IL23R: variants seen among roughly 807,000 people sequenced by gnomAD.
The protein encoded by IL23R is interleukin-23 receptor.
IL23R carries 34 observed loss-of-function variants against 56.9 expected under a neutral mutation model. The observed-to-expected ratio is 0.60, with a 90% CI of 0.45 to 0.80. The LOEUF (loss-of-function observed/expected upper bound fraction) is 0.80, where lower values mean the gene tolerates loss of function less well. IL23R is among the 30% of genes least tolerant of loss of function. IL23R has a pLI of 0.00. For synonymous variants in IL23R, 230 were observed against 249.2 expected (o/e 0.92, Z 0.73); for missense variants, 635 against 730.0 (o/e 0.87, Z 1.50).
At chr1:67,216,271 T>C (rs1047087256) in intron 6 of IL23R, among the ~76,000 whole-genome samples, 4 of 152,250 alleles carry the variant, frequency 2.6e-5, no homozygotes, top group African/African-American at 9.6e-5. Flanking sequence ...TGATCATTTT[T>C]TGCATCTCCA....
chr1:67,204,526 T>G (rs569686214), intron 5 of IL23R, among the ~76,000 whole-genome samples: 2 of 152,334 alleles, frequency 1.3e-5, no homozygotes, highest in African/African-American at 4.8e-5. Context: ...CTGTGATTCT[T>G]ACTGTGCTAT....
rs1648456025 is a variant in IL23R at position 67,199,663 on chromosome 1, G to A, written c.492-1074G>A. Among the ~76,000 whole-genome samples, 2 of 151,768 alleles carry A rather than the reference G, an allele frequency of 1.3e-5. 1 individual carries two copies. The highest frequency in any genetic ancestry group is 4.2e-4 in the South Asian group (2 of 4,806). The stretch of plus-strand genomic sequence containing the variant: ...CATATGTATACATCTATGTATATGT[G>A]TGTATATTTTTGTGTATTTTATATA... On this transcript the variant is annotated intron_variant, in intron 4 of 10. Coordinates refer to ENST00000347310, the MANE Select transcript of IL23R (RefSeq NM_144701.3).
At chr1:67,240,416 T>C (rs752320703) in intron 9 of IL23R, 135 bp downstream of exon 9, 26 of 685,858 alleles carry the variant, frequency 3.8e-5, no homozygotes, top group Non-Finnish European at 5.5e-5. Flanking sequence ...AAAAGAACAA[T>C]GTTTAATAAG....
intron 1 of IL23R, among the ~76,000 whole-genome samples, chr1:67,155,842 C>T (rs528165918): frequency 1.3e-5 from 2 of 152,254 alleles, no homozygotes; most frequent in East Asian, 1.9e-4. Context: ...ACTGAAAAGG[C>T]GTTGTGATCA....
intron 5 of IL23R, among the ~76,000 whole-genome samples, chr1:67,205,807 A>G (rs978168367): frequency 2.0e-5 from 3 of 152,206 alleles, no homozygotes; most frequent in South Asian, 4.1e-4. Flanking sequence ...ATAAATATTC[A>G]TATGTTTCCC....
intron 9 of IL23R, among the ~76,000 whole-genome samples, chr1:67,251,276 C>G (rs1206285664): frequency 6.6e-6 from 1 of 151,970 alleles, no homozygotes; most frequent in Non-Finnish European, 1.5e-5. Context: ...CACGGTGAAA[C>G]CCCGTCTCTA....
intron 7 of IL23R, among the ~76,000 whole-genome samples, chr1:67,234,707 C>CTTTTTTTTT (rs5774860): frequency 8.5e-6 from 1 of 117,556 alleles, no homozygotes; most frequent in Non-Finnish European, 1.7e-5. Flanking sequence ...TATTTTTACT[C>CTTTTTTTTT]TTTTTTTTTT....
In IL23R at chr1:67,190,464, G is replaced by C. The variant is rs550744178; in HGVS notation, c.491+7505G>C. On this transcript the variant is annotated intron_variant, in intron 4 of 10. Transcript: ENST00000347310. ...AAAAACCAAAAAAAAAACAAAACCA[G>C]TGCTAATAACCATCTCCCTACTGTA... 2.7e-5 allele frequency among the ~76,000 whole-genome samples: 4 copies of C among 149,338 alleles called. No individual in the cohort carries two copies. The South Asian group carries it at 8.4e-4, about 32-fold the overall frequency.
chr1:67,200,752 A>G lies in IL23R; in HGVS notation c.507A>G (p.Glu169=), dbSNP rs1271108620. 3 of 1,613,904 alleles carry G rather than the reference A, an allele frequency of 1.9e-6. No homozygotes were observed. Among genetic ancestry groups the G allele is most frequent in the Middle Eastern group, 3.3e-4 (2 of 6,062 alleles). Residue 169 remains glutamate, a synonymous_variant, in exon 5 of 11, where the codon GAA becomes GAG. Transcript: ENST00000347310. ...TTGTTTTAAGTTTAGAGACAGAAGA[A>G]GAGCAACAGTATCTCACCTCAAGCT... ...VVHVKSLETE[E]EQQYLTSSYI...
At chr1:67,262,333 G>A (rs929737674), downstream of IL23R, among the ~76,000 whole-genome samples, 1 of 152,030 alleles carries the variant, frequency 6.6e-6, no homozygotes, top group Non-Finnish European at 1.5e-5. Flanking sequence ...GAGGTAGGGG[G>A]TGGAGAGAGG....
At chr1:67,231,305 T>C (rs1160252699) in intron 7 of IL23R, among the ~76,000 whole-genome samples, 1 of 152,220 alleles carries the variant, frequency 6.6e-6, no homozygotes, top group Non-Finnish European at 1.5e-5. Context: ...TTATGTACAA[T>C]GATATACATC....
At chr1:67,181,416 T>A (rs1647139478) in intron 3 of IL23R, among the ~76,000 whole-genome samples, 1 of 152,244 alleles carries the variant, frequency 6.6e-6, no homozygotes, top group Non-Finnish European at 1.5e-5. Flanking sequence ...GTCTTCCAGT[T>A]GATCGAATTG....
intron 4 of IL23R, among the ~76,000 whole-genome samples, chr1:67,195,066 G>A (rs2102610691): frequency 6.6e-6 from 1 of 152,104 alleles, no homozygotes; most frequent in East Asian, 1.9e-4. Context: ...TGGACACATA[G>A]TCTCACTCTG....
At chr1:67,150,652 TAAA>T (rs3052338) in intron 1 of IL23R, among the ~76,000 whole-genome samples, 2,431 of 95,856 alleles carry the variant, frequency 0.025, 32 homozygotes, top group East Asian at 0.11. Context: ...GAACTTAAAG[TAAA>T]AAAAAAAAAA....
At chr1:67,239,646 G>C (rs2100326278) in intron 8 of IL23R, among the ~76,000 whole-genome samples, 2 of 152,114 alleles carry the variant, frequency 1.3e-5, no homozygotes, top group African/African-American at 4.8e-5. Flanking sequence ...ATCTTAACTT[G>C]CCAGTGTATG....
At chr1:67,173,669 T>C (rs1646973184) in intron 3 of IL23R, among the ~76,000 whole-genome samples, 2 of 152,314 alleles carry the variant, frequency 1.3e-5, no homozygotes, top group South Asian at 4.1e-4. Flanking sequence ...TATAGGTTTT[T>C]TTAAAAGGAT....
rs116838687 is a variant in IL23R, at chr1:67,186,626, A to G, written c.491+3667A>G. ...GTGACTGGCTTCTTTCATTTAGTAT[A>G]ATGTCTTCAAGGTTATCTATGGTGT... On this transcript the variant is annotated intron_variant, in intron 4 of 10. Coordinates refer to ENST00000347310, the MANE Select transcript of IL23R (RefSeq NM_144701.3). Among the ~76,000 whole-genome samples, 424 of 152,236 alleles carry G rather than the reference A, an allele frequency of 2.8e-3. 2 individuals carry two copies. The highest frequency in any genetic ancestry group is 9.8e-3 in the African/African-American group (408 of 41,536).
intron 8 of IL23R, among the ~76,000 whole-genome samples, chr1:67,239,256 T>G (rs1371417631): frequency 1.3e-5 from 2 of 151,968 alleles, no homozygotes; most frequent in East Asian, 3.9e-4. Flanking sequence ...AAAGCATTGG[T>G]TTTGTTTGTT....
intron 1 of IL23R, among the ~76,000 whole-genome samples, chr1:67,144,933 C>T (rs1157271844): frequency 6.6e-6 from 1 of 152,226 alleles, no homozygotes; most frequent in Non-Finnish European, 1.5e-5. Flanking sequence ...GGGGGTCCCA[C>T]AGGCACTGCA....
Sources: allele counts gnomAD v4.1 joint callset (sites outside exome capture counted in the v4.1 genomes callset), GRCh38; gene constraint gnomAD v4.1.1; transcripts MANE v1.5; gene names NCBI Gene and HGNC (gene_info 2026-07-23, HGNC 2026-07-21).